MLIP: variants seen among roughly 807,000 people sequenced by gnomAD.
MLIP encodes muscular LMNA-interacting protein.
Under a neutral mutation model 84.8 loss-of-function variants are expected in MLIP, and 79 were observed. That is an observed-to-expected ratio of 0.93 (90% CI 0.78 to 1.12). The LOEUF (loss-of-function observed/expected upper bound fraction) is 1.12, where lower values mean the gene tolerates loss of function less well. Ranked by LOEUF, MLIP falls within the 50% of genes most tolerant of loss-of-function variation. The probability of loss-of-function intolerance (pLI) is 0.00; values close to 1 mark genes in which losing one functional copy is unlikely to be tolerated. For missense variants in MLIP, 1,257 were observed against 1,160.6 expected, an observed-to-expected ratio of 1.08 and a Z score of -1.21; for synonymous variants, 504 against 463.0, an observed-to-expected ratio of 1.09 and a Z score of -1.14.
At chr6:54,096,867 A>G (rs915772956) in intron 1 of MLIP, among the ~76,000 whole-genome samples, 2 of 152,184 alleles carry the variant, frequency 1.3e-5, no homozygotes, top group African/African-American at 4.8e-5. Flanking sequence ...ACAGAATGTA[A>G]GTGCTACAAT....
chr6:54,100,206 T>C (rs1416040011), intron 1 of MLIP, among the ~76,000 whole-genome samples: 1 of 152,196 alleles, frequency 6.6e-6, no homozygotes, highest in African/African-American at 2.4e-5. Context: ...AAGTGTTAGA[T>C]AACCTGTTTT....
At chr6:54,167,119 C>T (rs1016002459) in intron 8 of MLIP, among the ~76,000 whole-genome samples, 5 of 152,096 alleles carry the variant, frequency 3.3e-5, no homozygotes, top group South Asian at 2.1e-4. Context: ...AGTTTTGTCC[C>T]TATACCCCTG....
At chr6:54,098,541 G>A (rs1768398650) in intron 1 of MLIP, among the ~76,000 whole-genome samples, 1 of 151,686 alleles carries the variant, frequency 6.6e-6, no homozygotes, top group South Asian at 2.1e-4. Flanking sequence ...GTGTCAGGGA[G>A]GAGAAAGACT....
intron 9 of MLIP, among the ~76,000 whole-genome samples, chr6:54,171,261 C>T (rs748675792): frequency 6.6e-6 from 1 of 151,472 alleles, no homozygotes; most frequent in African/African-American, 2.4e-5. Flanking sequence ...GTTGTGAGAG[C>T]CTTTAAGTCA....
At position 54,160,633 on chromosome 6, in the gene MLIP, A is replaced by T. The variant is rs748387781; in HGVS notation, c.2439+34A>T. The T allele has an allele frequency of 1.9e-6, 3 of 1,569,260 alleles. No individual in the cohort carries two copies. The Admixed American group carries it at 5.1e-5, about 27-fold the overall frequency. On this transcript the variant is annotated intron_variant, in intron 7 of 13. Transcript: ENST00000502396. Reference sequence around the variant, plus strand: ...TTAGACTAGAATGTGCAATTCAAACATTTGCTTTGCTTCTCTTCATTTTCC... The same window carrying T: ...TTAGACTAGAATGTGCAATTCAAACTTTTGCTTTGCTTCTCTTCATTTTCC...
At chr6:54,189,980 A>G in intron 10 of MLIP, 66 bp downstream of exon 10, 1 of 1,019,644 alleles carries the variant, frequency 9.8e-7, no homozygotes, top group South Asian at 1.5e-5. Context: ...TTACCTGAGT[A>G]AAAGTGAAAA....
In MLIP at chr6:54,266,182, C is replaced by T. The variant is rs908177156; in HGVS notation, c.*227C>T. The stretch of plus-strand genomic sequence containing the variant: ...ACCTACAGCTTTTTGCACCACTGTT[C>T]TAGCCTTTAATGCCTTCTACTTAAT... On this transcript the variant is annotated 3_prime_UTR_variant, in exon 14 of 14. Coordinates refer to ENST00000502396, the MANE Select transcript of MLIP (RefSeq NM_001281747.2). The T allele has an allele frequency of 9.0e-6, 5 of 555,776 alleles. No homozygotes were observed. In the East Asian group the frequency reaches 1.5e-4, roughly 16 times the overall value. The allele number at this position is 555,776 out of a possible 1,614,324, so 34.4% of individuals were successfully genotyped here.
chr6:54,186,657 A>G (rs1192062758), intron 9 of MLIP, among the ~76,000 whole-genome samples: 1 of 152,022 alleles, frequency 6.6e-6, no homozygotes, highest in Non-Finnish European at 1.5e-5. Context: ...AGAGCAAACA[A>G]CCCCTTATAA....
chr6:54,224,672 T>C (rs181789274), intron 11 of MLIP, among the ~76,000 whole-genome samples: 3 of 152,178 alleles, frequency 2.0e-5, no homozygotes, highest in African/African-American at 7.2e-5. Context: ...GAGACCCTGG[T>C]TCTCCCATCC....
chr6:54,223,377 A>G (rs1021613834), intron 11 of MLIP, among the ~76,000 whole-genome samples: 2 of 151,984 alleles, frequency 1.3e-5, no homozygotes, highest in African/African-American at 2.4e-5. Context: ...GTAGTTATAC[A>G]GTTTTGAATC....
chr6:54,148,372 A>G (rs1773079740), intron 4 of MLIP, among the ~76,000 whole-genome samples: 1 of 152,174 alleles, frequency 6.6e-6, no homozygotes, highest in Non-Finnish European at 1.5e-5. Context: ...TATTATTCTG[A>G]GTTGTACTTA....
At chr6:54,231,853 G>A (rs896529167) in intron 12 of MLIP, among the ~76,000 whole-genome samples, 4 of 151,848 alleles carry the variant, frequency 2.6e-5, no homozygotes, top group African/African-American at 9.6e-5. Context: ...CATTTTTAAA[G>A]AAAAAAATGT....
At chr6:54,230,183 T>A (rs959292805) in intron 11 of MLIP, among the ~76,000 whole-genome samples, 1 of 152,178 alleles carries the variant, frequency 6.6e-6, no homozygotes, top group Non-Finnish European at 1.5e-5. Flanking sequence ...CACCCTTCCC[T>A]GATTCCTTAT....
Position 54,121,481 on chromosome 6 carries a change from T to A in MLIP, c.131T>A (p.Ile44Asn). ...SAGGSEAKPL[I>N]FTFVPTVRRL... ...GGTGGTTCTGAAGCCAAACCTCTGA[T>A]CTTCACATTTGTCCCCACTGTCAGA... is the stretch of plus-strand genomic sequence containing the variant. Residue 44 changes from isoleucine (I) to asparagine (N), a missense_variant, in exon 2 of 14, where the codon ATC becomes AAC. Ile to Asn is a moderately radical substitution (Grantham distance 149). Transcript: ENST00000502396. 1 of 1,614,120 alleles carries A rather than the reference T, an allele frequency of 6.2e-7. No individual in the cohort carries two copies. The highest frequency in any genetic ancestry group is 8.5e-7 in the Non-Finnish European group (1 of 1,180,010).
intron 1 of MLIP, among the ~76,000 whole-genome samples, chr6:54,088,595 C>T (rs72955981): frequency 4.6e-5 from 7 of 152,226 alleles, no homozygotes; most frequent in African/African-American, 9.6e-5. Context: ...ACTTTGGTGA[C>T]CGTTGTTTAT....
intron 9 of MLIP, among the ~76,000 whole-genome samples, chr6:54,188,857 C>G (rs770634658): frequency 4.6e-5 from 7 of 152,132 alleles, no homozygotes; most frequent in Non-Finnish European, 1.0e-4. Flanking sequence ...CGGAGGTAAA[C>G]TTTAAATGTT....
chr6:54,092,488 C>T (rs183404978), intron 1 of MLIP, among the ~76,000 whole-genome samples: 2 of 152,022 alleles, frequency 1.3e-5, no homozygotes, highest in Admixed American at 6.6e-5. Flanking sequence ...CAAGTAGTAC[C>T]GTAAAAGTCA....
In MLIP at chr6:54,153,658, G is replaced by A. The variant is rs571708759; in HGVS notation, c.2289+4531G>A. On this transcript the variant is annotated intron_variant, in intron 5 of 13. Coordinates refer to ENST00000502396, the MANE Select transcript of MLIP (RefSeq NM_001281747.2). Reference sequence around the variant, plus strand: ...AGGTCAGAAATTCGAGACCAGCCTGGCCAACATGGTGAAACCCTGTTTCTA... The same window carrying A: ...AGGTCAGAAATTCGAGACCAGCCTGACCAACATGGTGAAACCCTGTTTCTA... Among the ~76,000 whole-genome samples the A allele has an allele frequency of 1.4e-4, 22 of 151,932 alleles. 1 individual carries two copies. In the South Asian group the frequency reaches 4.6e-3, roughly 32 times the overall value.
intron 9 of MLIP, among the ~76,000 whole-genome samples, chr6:54,172,829 A>G (rs776912965): frequency 4.0e-5 from 6 of 151,698 alleles, no homozygotes; most frequent in Non-Finnish European, 8.9e-5. Flanking sequence ...AGCCAGGTGC[A>G]GTAAAAGCAA....
Sources: allele counts gnomAD v4.1 joint callset (sites outside exome capture counted in the v4.1 genomes callset), GRCh38; gene constraint gnomAD v4.1.1; transcripts MANE v1.5; gene names NCBI Gene and HGNC (gene_info 2026-07-23, HGNC 2026-07-21).